Variants in GNB1 observed in about 807,000 individuals in gnomAD.
The protein encoded by GNB1 is G protein subunit beta 1.
GNB1 carries 2 observed loss-of-function variants against 42.9 expected under a neutral mutation model. The observed-to-expected ratio is 0.05, with a 90% CI of 0.02 to 0.15. The LOEUF (loss-of-function observed/expected upper bound fraction) is 0.15, where lower values mean the gene tolerates loss of function less well. Ranked by LOEUF, GNB1 falls within the 10% of genes least tolerant of loss-of-function variation. GNB1 has a pLI of 1.00. For missense variants in GNB1, 193 were observed against 462.2 expected (o/e 0.42, Z 5.34); for synonymous variants, 183 against 174.7 (o/e 1.05, Z -0.38).
intron 1 of GNB1, among the ~76,000 whole-genome samples, chr1:1,888,987 G>C (rs1356861777): frequency 6.6e-6 from 1 of 152,110 alleles, no homozygotes; most frequent in East Asian, 1.9e-4. Context: ...AGAAGGAACC[G>C]CCTATCCACT....
At chr1:1,802,018 CAA>C (rs1446981657) in intron 7 of GNB1, among the ~76,000 whole-genome samples, 2 of 152,170 alleles carry the variant, frequency 1.3e-5, no homozygotes, top group African/African-American at 4.8e-5. Flanking sequence ...CAATTAATCA[CAA>C]AGAGACAACA....
At chr1:1,829,010 T>C (rs1355636232) in intron 2 of GNB1, among the ~76,000 whole-genome samples, 1 of 152,212 alleles carries the variant, frequency 6.6e-6, no homozygotes, top group African/African-American at 2.4e-5. Context: ...ATTTCAATTT[T>C]TTTAAAAAAA....
At chr1:1,880,562 G>T (rs1181696384) in intron 1 of GNB1, among the ~76,000 whole-genome samples, 1 of 151,886 alleles carries the variant, frequency 6.6e-6, no homozygotes, top group Non-Finnish European at 1.5e-5. Flanking sequence ...CTCCAGCCTG[G>T]GCGACAGAGA....
chr1:1,859,384 T>C (rs1348890564), intron 1 of GNB1, among the ~76,000 whole-genome samples: 1 of 152,076 alleles, frequency 6.6e-6, no homozygotes, highest in African/African-American at 2.4e-5. Context: ...ACTGTTTAGA[T>C]GGAAAGATTC....
At chr1:1,843,991 C>T (rs1557921454) in intron 1 of GNB1, among the ~76,000 whole-genome samples, 2 of 151,812 alleles carry the variant, frequency 1.3e-5, no homozygotes, top group South Asian at 2.1e-4. Flanking sequence ...GTCAGGAGAT[C>T]GAGACCATCC....
At chr1:1,828,397 G>A (rs1647028456) in intron 2 of GNB1, among the ~76,000 whole-genome samples, 1 of 152,080 alleles carries the variant, frequency 6.6e-6, no homozygotes, top group South Asian at 2.1e-4. Context: ...ATCATTAGGT[G>A]GGATAACTCC....
chr1:1,866,886 GGAGCTTGCAGTGAGCT>G (rs1648971515), intron 1 of GNB1, among the ~76,000 whole-genome samples: 1 of 151,622 alleles, frequency 6.6e-6, no homozygotes, highest in Non-Finnish European at 1.5e-5. Context: ...CCCGGGAGGC[GGAGCTTGCAGTGAGCT>G]GAGATCGCGC....
intron 1 of GNB1, among the ~76,000 whole-genome samples, chr1:1,860,387 T>C (rs980670827): frequency 1.3e-5 from 2 of 151,972 alleles, no homozygotes; most frequent in African/African-American, 4.8e-5. Flanking sequence ...TCATGCAATA[T>C]AACCAGGAAA....
At chr1:1,859,014 GTATT>G (rs1254738702) in intron 1 of GNB1, among the ~76,000 whole-genome samples, 5 of 151,556 alleles carry the variant, frequency 3.3e-5, no homozygotes, top group Non-Finnish European at 5.9e-5. Flanking sequence ...CAATTTATGG[GTATT>G]TATTTTCTTT....
At chr1:1,864,507 G>A (rs1051730094) in intron 1 of GNB1, among the ~76,000 whole-genome samples, 3 of 151,750 alleles carry the variant, frequency 2.0e-5, no homozygotes, top group Admixed American at 6.6e-5. Flanking sequence ...CCCTCCGGCC[G>A]ACCCATCCTG....
intron 7 of GNB1, among the ~76,000 whole-genome samples, chr1:1,797,281 A>G (rs1341527020): frequency 6.6e-6 from 1 of 152,206 alleles, no homozygotes; most frequent in African/African-American, 2.4e-5. Context: ...CCACACCATG[A>G]AACTCTCTAC....
At chr1:1,812,024 C>G (rs970524170) in intron 5 of GNB1, among the ~76,000 whole-genome samples, 2 of 151,882 alleles carry the variant, frequency 1.3e-5, no homozygotes, top group Non-Finnish European at 2.9e-5. Context: ...CGAGATCGCA[C>G]CACTGCAGTC....
At chr1:1,803,633 T>C (rs1646655442) in intron 7 of GNB1, among the ~76,000 whole-genome samples, 1 of 152,224 alleles carries the variant, frequency 6.6e-6, no homozygotes, top group South Asian at 2.1e-4. Flanking sequence ...GTTTTTAGTT[T>C]CATTTTCAGA....
At chr1:1,834,738 G>A (rs1647122315) in intron 2 of GNB1, among the ~76,000 whole-genome samples, 1 of 147,554 alleles carries the variant, frequency 6.8e-6, no homozygotes, top group South Asian at 2.1e-4. Context: ...GTGCGATCTC[G>A]GCTCAGTGCA....
intron 1 of GNB1, among the ~76,000 whole-genome samples, chr1:1,845,456 C>T (rs963517215): frequency 6.6e-6 from 1 of 152,024 alleles, no homozygotes; most frequent in African/African-American, 2.4e-5. Flanking sequence ...GCCTGTAGTC[C>T]CAGCTACTCA....
At chr1:1,847,294 C>T (rs1189031632) in intron 1 of GNB1, among the ~76,000 whole-genome samples, 1 of 131,834 alleles carries the variant, frequency 7.6e-6, no homozygotes, top group Non-Finnish European at 1.8e-5. Flanking sequence ...AAGACTGGGA[C>T]AACAAAATCC....
At chr1:1,865,741 G>A (rs1223113807) in intron 1 of GNB1, among the ~76,000 whole-genome samples, 1 of 152,152 alleles carries the variant, frequency 6.6e-6, no homozygotes, top group Admixed American at 6.5e-5. Flanking sequence ...CCTGTAATGT[G>A]CTCATTTCAG....
intron 1 of GNB1, among the ~76,000 whole-genome samples, chr1:1,865,154 C>T (rs1028904237): frequency 1.3e-5 from 2 of 149,776 alleles, no homozygotes; most frequent in South Asian, 2.1e-4. Context: ...CCCAGCAACT[C>T]GGGAGGCTGA....
At chr1:1,847,499 G>C (rs981568793) in intron 1 of GNB1, among the ~76,000 whole-genome samples, 2 of 152,188 alleles carry the variant, frequency 1.3e-5, no homozygotes, top group African/African-American at 4.8e-5. Context: ...TCAGCCTCTA[G>C]ATTAGGGGGT....
Sources: gnomAD v4.1 joint callset for allele counts (sites outside exome capture counted in the v4.1 genomes callset) on GRCh38, gnomAD v4.1.1 for gene constraint, MANE v1.5 for transcripts, NCBI Gene and HGNC (gene_info 2026-07-23, HGNC 2026-07-21) for gene names.